The following FLNB variants were observed in gnomAD, a reference collection of about 807,000 sequenced individuals.
FLNB encodes the protein filamin-B.
FLNB carries 111 observed loss-of-function variants against 250.6 expected under a neutral mutation model. The observed-to-expected ratio is 0.44, with a 90% CI of 0.38 to 0.52. The LOEUF (loss-of-function observed/expected upper bound fraction) is 0.52. Ranked by LOEUF, FLNB falls within the 20% of genes least tolerant of loss-of-function variation. The pLI, the probability that FLNB is intolerant of heterozygous loss-of-function variation, is 0.00. For missense variants in FLNB, 2,869 were observed against 3,447.8 expected, an observed-to-expected ratio of 0.83 and a Z score of 4.20; for synonymous variants, 1,302 against 1,372.1, an observed-to-expected ratio of 0.95 and a Z score of 1.13.
rs189746411 is a variant in FLNB, at chr3:58,102,122, G to A, written c.1346-81G>A. On this transcript the variant is annotated intron_variant, in intron 8 of 45. Transcript: ENST00000295956. ...TGTGCAAAGCAAATATTTTCTTGGC[G>A]GGTGGCTCCAGGTTACCTTGGCTTT... The A allele has an allele frequency of 1.4e-5, 22 of 1,526,592 alleles. No homozygotes were observed. In the Admixed American group the frequency reaches 2.4e-4, roughly 16 times the overall value. 94.6% of individuals were successfully genotyped at this position (1,526,592 alleles called of 1,614,324 possible).
Position 58,008,726 on chromosome 3 carries a change from C to G in FLNB, c.162C>G (p.Leu54=), listed in dbSNP as rs780601404. 6 of 1,614,158 alleles carry G rather than the reference C, an allele frequency of 3.7e-6. No homozygotes were observed. Among genetic ancestry groups the G allele is most frequent in the South Asian group, 1.1e-5 (1 of 91,086 alleles). Residue 54 remains leucine (L), a synonymous_variant, in exon 1 of 46, where the codon CTC becomes CTG. Transcript: ENST00000295956. Reference sequence around the variant, plus strand: ...ACGGGCTGCGGCTCATCGCGCTGCTCGAGGTGCTCAGCCAGAAGCGCATGT... The same window carrying G: ...ACGGGCTGCGGCTCATCGCGCTGCTGGAGGTGCTCAGCCAGAAGCGCATGT... ...LSDGLRLIAL[L]EVLSQKRMYR... is the part of the protein sequence containing the mutation.
At chr3:58,090,248 A>G (rs1012278576) in intron 4 of FLNB, among the ~76,000 whole-genome samples, 7 of 151,642 alleles carry the variant, frequency 4.6e-5, no homozygotes, top group African/African-American at 1.7e-4. Flanking sequence ...CCACTGTCCC[A>G]CTGGTAGGTC....
At position 58,106,721 on chromosome 3, in the gene FLNB, A is replaced by T; in HGVS notation, c.1789A>T (p.Asn597Tyr). 3.7e-6 allele frequency: 6 copies of T among 1,614,192 alleles called. No individual in the cohort carries two copies. The highest frequency in any genetic ancestry group is 5.1e-6 in the Non-Finnish European group (6 of 1,180,030). ...EGPSQAKIEY[N>Y]DQNDGSCDVK... ...CCCCTCTCAGGCAAAGATTGAGTAC[A>T]ACGACCAGAATGATGGATCGTGTGA... Residue 597 changes from asparagine (N) to tyrosine (Y), a missense_variant, in exon 12 of 46, where the codon AAC becomes TAC. This residue lies in a region of FLNB where 1,348 missense variants were observed against 1,466.7 expected (regional missense o/e 0.92). Coordinates refer to ENST00000295956, the MANE Select transcript of FLNB (RefSeq NM_001457.4).
chr3:58,028,058 A>G (rs148153155), intron 1 of FLNB, among the ~76,000 whole-genome samples: 179 of 152,352 alleles, frequency 1.2e-3, no homozygotes, highest in African/African-American at 4.1e-3. Context: ...TTGAGAAAGA[A>G]CTAGGAGAAC....
chr3:58,066,006 T>C (rs1049314963), intron 1 of FLNB, among the ~76,000 whole-genome samples: 1 of 152,154 alleles, frequency 6.6e-6, no homozygotes, highest in African/African-American at 2.4e-5. Context: ...GGCTGGGCTC[T>C]GAGCTCCTCC....
chr3:58,148,790 G>A lies in FLNB; in HGVS notation c.6029G>A (p.Arg2010His), dbSNP rs188216614. ...GCCCGCCGAGCCAAAGTCTATGGCC[G>A]CGGCCTGTCAGAAGGCCGGACTTTC... ...GDARRAKVYG[R>H]GLSEGRTFEM... Residue 2010 changes from arginine to histidine, a missense_variant, in exon 36 of 46, where the codon CGC becomes CAC. By Grantham distance (29) the Arg-to-His change is conservative (BLOSUM62 0). Around this residue, in one of 5 missense-constraint regions of FLNB, gnomAD observed 1,084 missense variants for 1,315.5 expected, o/e 0.82. Coordinates refer to ENST00000295956, the MANE Select transcript of FLNB (RefSeq NM_001457.4). 4.5e-5 allele frequency: 72 copies of A among 1,614,088 alleles called. No homozygotes were observed. Among genetic ancestry groups the A allele is most frequent in the Non-Finnish European group, 5.3e-5 (62 of 1,180,038 alleles).
chr3:58,080,306 T>C (rs1224465848), intron 3 of FLNB, among the ~76,000 whole-genome samples: 3 of 152,128 alleles, frequency 2.0e-5, no homozygotes, highest in Non-Finnish European at 4.4e-5. Flanking sequence ...CCTCTGTTCA[T>C]CTGAGGAAGT....
intron 42 of FLNB, chr3:58,162,785 G>A (rs1054900204): frequency 6.5e-6 from 2 of 305,928 alleles, no homozygotes; most frequent in African/African-American, 4.3e-5. Flanking sequence ...CATCATTTTA[G>A]TGGAAAAACA....
chr3:58,023,261 G>A (rs1351997413), intron 1 of FLNB, among the ~76,000 whole-genome samples: 1 of 151,850 alleles, frequency 6.6e-6, no homozygotes, highest in Non-Finnish European at 1.5e-5. Context: ...ACCATGCCCA[G>A]CTAATTTTTG....
intron 43 of FLNB, chr3:58,163,623 A>G (rs1000319231): frequency 7.5e-5 from 34 of 452,596 alleles, no homozygotes; most frequent in African/African-American, 6.5e-4. Flanking sequence ...GGATGCTGAT[A>G]GTCAGGGAAC....
chr3:58,105,236 C>A lies in FLNB; in HGVS notation c.1747+20C>A. On this transcript the variant is annotated intron_variant, in intron 11 of 45. Transcript: ENST00000295956. ...CTCTGGGTAAGTGGACACAGCTGAC[C>A]AGCATCTTCTGGAGGACTGAGGATT... 2 of 1,614,004 alleles carry A rather than the reference C, an allele frequency of 1.2e-6. No individual in the cohort carries two copies. The highest frequency in any genetic ancestry group is 1.1e-5 in the South Asian group (1 of 91,062).
chr3:58,012,792 G>C (rs141677007), intron 1 of FLNB, among the ~76,000 whole-genome samples: 1 of 152,210 alleles, frequency 6.6e-6, no homozygotes, highest in Non-Finnish European at 1.5e-5. Context: ...GTCAGGGAAG[G>C]TATCATTGAA....
rs1280033886 is a variant in FLNB at position 58,169,236 on chromosome 3, C to T, written c.7418-354C>T. The T allele has an allele frequency of 1.7e-5, 5 of 298,610 alleles. No homozygotes were observed. Among genetic ancestry groups the T allele is most frequent in the African/African-American group, 8.6e-5 (4 of 46,470 alleles). 18.5% of individuals were successfully genotyped at this position (298,610 alleles called of 1,614,324 possible). A position where few individuals can be genotyped will look rare whatever the true frequency, so the allele number is the denominator to read the frequency against. Reference sequence around the variant, plus strand: ...CATTTTTTGATATTTCATTATATGTCATCCCAAACTTTTACACTGCTTATA... The same window carrying T: ...CATTTTTTGATATTTCATTATATGTTATCCCAAACTTTTACACTGCTTATA... On this transcript the variant is annotated intron_variant, in intron 44 of 45. Transcript: ENST00000295956. This position sits in a 1 kb window ranked among gnomAD's most constrained non-coding sequence, Gnocchi z 4.8.
At chr3:58,035,298 C>A (rs970978629) in intron 1 of FLNB, among the ~76,000 whole-genome samples, 15 of 152,176 alleles carry the variant, frequency 9.9e-5, no homozygotes, top group African/African-American at 3.6e-4. Context: ...CTTGAGGTTT[C>A]TTTTAAGCTG....
In FLNB at chr3:58,148,558, A is replaced by G. The variant is rs556300869; in HGVS notation, c.5888-91A>G. On this transcript the variant is annotated intron_variant, in intron 35 of 45. Coordinates refer to ENST00000295956, the MANE Select transcript of FLNB (RefSeq NM_001457.4). Reference sequence around the variant, plus strand: ...CACTCTGGATTGTTGGGTGTCAGGAAAGAGGACATATTTCTATTTCTGAGA... The same window carrying G: ...CACTCTGGATTGTTGGGTGTCAGGAGAGAGGACATATTTCTATTTCTGAGA... 1.5e-5 allele frequency: 19 copies of G among 1,302,868 alleles called. No homozygotes were observed. The African/African-American group carries it at 2.8e-4, about 19-fold the overall frequency. 80.7% of individuals were successfully genotyped at this position (1,302,868 alleles called of 1,614,324 possible).
chr3:58,098,890 G>A lies in FLNB; in HGVS notation c.1327G>A (p.Val443Ile), dbSNP rs200902568. The change falls in exon 8 of 46, where the codon GTT (valine) becomes ATT (isoleucine). Residue 443 changes from valine to isoleucine, a missense_variant. Coordinates refer to ENST00000295956, the MANE Select transcript of FLNB (RefSeq NM_001457.4). ...AGDTIPKSPF[V>I]VQVGEACNPN... is the part of the protein sequence containing the mutation. ...GGACACTATTCCTAAGAGTCCCTTC[G>A]TTGTGCAGGTTGGGGAAGGTGAGTG... is the stretch of plus-strand genomic sequence containing the variant. 2.4e-4 allele frequency: 394 copies of A among 1,613,862 alleles called. 1 individual carries two copies. Among genetic ancestry groups the A allele is most frequent in the Non-Finnish European group, 3.0e-4 (357 of 1,179,976 alleles).
At position 58,089,943 on chromosome 3, in the gene FLNB, C is replaced by T. The variant is rs552929689; in HGVS notation, c.788-4893C>T. 1.5e-4 allele frequency among the ~76,000 whole-genome samples: 23 copies of T among 152,124 alleles called. No individual in the cohort carries two copies. In the East Asian group the frequency reaches 4.5e-3, roughly 30 times the overall value. On this transcript the variant is annotated intron_variant, in intron 4 of 45. Transcript: ENST00000295956. ...CTGGGCTTACAGGTGCCCACCACCACTTCTGGCTAATTTTTTTATTTTTAG... is the reference window on the plus strand; with the variant it reads ...CTGGGCTTACAGGTGCCCACCACCATTTCTGGCTAATTTTTTTATTTTTAG...
At position 58,123,426 on chromosome 3, in the gene FLNB, C is replaced by T. The variant is rs777604871; in HGVS notation, c.3460C>T (p.Leu1154Phe). Reference protein sequence around the residue: ...EHGKVGEAGLLSVDCSEAGPG... With the variant: ...EHGKVGEAGLFSVDCSEAGPG... The stretch of plus-strand genomic sequence containing the variant: ...CGGGAAGGTGGGTGAAGCTGGCCTC[C>T]TTAGCGTCGACTGCTCGGAAGCGGG... The change falls in exon 21 of 46, where the codon CTT becomes TTT. Residue 1154 changes from leucine (L) to phenylalanine (F), a missense_variant. Leu to Phe is a conservative substitution (Grantham distance 22, BLOSUM62 0). Coordinates refer to ENST00000295956, the MANE Select transcript of FLNB (RefSeq NM_001457.4). 5 of 1,613,530 alleles carry T rather than the reference C, an allele frequency of 3.1e-6. No homozygotes were observed. Among genetic ancestry groups the T allele is most frequent in the Non-Finnish European group, 4.2e-6 (5 of 1,179,642 alleles).
At chr3:58,138,663 C>A in intron 29 of FLNB, 134 bp downstream of exon 29, 1 of 1,059,002 alleles carries the variant, frequency 9.4e-7, no homozygotes, top group Non-Finnish European at 1.4e-6. Context: ...GCAGTCATGA[C>A]CTTGTAGAGT....
Sources: gnomAD v4.1 joint callset for allele counts (sites outside exome capture counted in the v4.1 genomes callset) on GRCh38, gnomAD v4.1.1 for gene constraint, gnomAD v4.1.1 regional missense constraint, Gnocchi (gnomAD v3.1) non-coding constraint, MANE v1.5 for transcripts, NCBI Gene and HGNC (gene_info 2026-07-23, HGNC 2026-07-21) for gene names.